VPS53: variants seen among roughly 807,000 people sequenced by gnomAD.
VPS53 encodes the protein VPS53 subunit of GARP complex.
VPS53 carries 70 observed loss-of-function variants against 107.0 expected under a neutral mutation model. The ratio of observed to expected loss-of-function variants is 0.65; its 90% confidence interval spans 0.54 to 0.80. VPS53 has a LOEUF of 0.80. Among genes scored for constraint, VPS53 ranks in the 30% least tolerant of loss-of-function variants. The probability of loss-of-function intolerance (pLI) is 0.00; values close to 1 mark genes in which losing one functional copy is unlikely to be tolerated. For missense variants in VPS53, 917 were observed against 1,049.4 expected, an observed-to-expected ratio of 0.87 and a Z score of 1.74; for synonymous variants, 409 against 393.3, an observed-to-expected ratio of 1.04 and a Z score of -0.47.
At chr17:679,561 G>A (rs563174363) in intron 4 of VPS53, among the ~76,000 whole-genome samples, 1 of 152,062 alleles carries the variant, frequency 6.6e-6, no homozygotes. Context: ...TATAAACAGA[G>A]AATTGGAAAG....
intron 18 of VPS53, chr17:536,687 C>G: frequency 4.6e-6 from 1 of 218,906 alleles, no homozygotes; most frequent in Admixed American, 5.5e-5. Context: ...TGTGAGGATG[C>G]TGGTGGGAAG....
chr17:536,166 A>G (rs969289252), intron 18 of VPS53, among the ~76,000 whole-genome samples: 6 of 152,182 alleles, frequency 3.9e-5, no homozygotes, highest in African/African-American at 1.4e-4. Flanking sequence ...ATGGCCACAC[A>G]CAAGACACAG....
chr17:626,886 C>T (rs935912414), intron 10 of VPS53, among the ~76,000 whole-genome samples: 2 of 151,980 alleles, frequency 1.3e-5, no homozygotes, highest in Non-Finnish European at 2.9e-5. Flanking sequence ...TAGGGGAAAA[C>T]GTGGGGTAGA....
chr17:613,170 T>C (rs1316771021), intron 11 of VPS53, among the ~76,000 whole-genome samples: 12 of 148,638 alleles, frequency 8.1e-5, no homozygotes, highest in Admixed American at 2.0e-4. Context: ...AGTATTCAAA[T>C]AGTGAATTCA....
At position 699,388 on chromosome 17, in the gene VPS53, AAAG is replaced by A. The variant is rs1201850823; in HGVS notation, c.169-11_169-9del. Reference sequence around the variant, plus strand: ...GTCTATGTTCGCCAGAGACTACAATAAAGAAGGAAGAGTGCCCAGCTGTTAGTC... The same window carrying A: ...GTCTATGTTCGCCAGAGACTACAATAAAGGAAGAGTGCCCAGCTGTTAGTC... On this transcript the variant is annotated splice_polypyrimidine_tract_variant and intron_variant, in intron 2 of 21. Transcript: ENST00000437048. 3.9e-6 allele frequency: 6 copies of A among 1,556,704 alleles called. No individual in the cohort carries two copies. Among genetic ancestry groups the A allele is most frequent in the Middle Eastern group, 1.7e-4 (1 of 5,926 alleles).
chr17:587,232 T>A (rs1321605797), intron 12 of VPS53, among the ~76,000 whole-genome samples: 1 of 152,132 alleles, frequency 6.6e-6, no homozygotes, highest in Non-Finnish European at 1.5e-5. Context: ...CGAGCTAATT[T>A]TTGTATTTTA....
At chr17:662,308 C>A (rs1971467070) in intron 4 of VPS53, among the ~76,000 whole-genome samples, 1 of 152,128 alleles carries the variant, frequency 6.6e-6, no homozygotes, top group East Asian at 1.9e-4. Flanking sequence ...TTCAAAAAAA[C>A]CTGAACCGTG....
At chr17:562,874 G>A (rs1232596037) in intron 13 of VPS53, 129 bp from the exon 14 acceptor site, 12 of 1,081,976 alleles carry the variant, frequency 1.1e-5, no homozygotes, top group South Asian at 3.3e-5. Flanking sequence ...ACTTAAAATC[G>A]GATCGATTTT....
At chr17:656,958 C>G in intron 5 of VPS53, 1 of 1,026,816 alleles carries the variant, frequency 9.7e-7, no homozygotes, top group East Asian at 2.4e-5. Flanking sequence ...GTGTCTTTCA[C>G]ATGAACCACG....
intron 15 of VPS53, among the ~76,000 whole-genome samples, chr17:559,114 T>A (rs946233285): frequency 6.6e-6 from 1 of 152,148 alleles, no homozygotes; most frequent in Non-Finnish European, 1.5e-5. Context: ...TTACTATCAT[T>A]ATAATGACAG....
chr17:514,700 G>C lies in VPS53; in HGVS notation c.*4428C>G, dbSNP rs1419466306. On this transcript the variant is annotated 3_prime_UTR_variant, in exon 22 of 22. Transcript: ENST00000437048. ...TCAGGAAGGGTTGGTGTCATACCCTGCATCGAGCAGCAGCCTCGGACCTGC... is the reference window on the plus strand; with the variant it reads ...TCAGGAAGGGTTGGTGTCATACCCTCCATCGAGCAGCAGCCTCGGACCTGC... The C allele has an allele frequency of 3.3e-5, 5 of 152,668 alleles. No homozygotes were observed. Among genetic ancestry groups the C allele is most frequent in the African/African-American group, 1.2e-4 (5 of 41,468 alleles). The allele number at this position is 152,668 out of a possible 1,614,324, so 9.5% of individuals were successfully genotyped here.
At chr17:573,848 T>C (rs1914389423) in intron 13 of VPS53, among the ~76,000 whole-genome samples, 1 of 152,194 alleles carries the variant, frequency 6.6e-6, no homozygotes, top group Non-Finnish European at 1.5e-5. Flanking sequence ...TCATGCTTTC[T>C]GAGTTAGAGC....
intron 5 of VPS53, among the ~76,000 whole-genome samples, chr17:656,366 G>A (rs1333699691): frequency 6.6e-6 from 1 of 152,094 alleles, no homozygotes; most frequent in Admixed American, 6.6e-5. Flanking sequence ...GTACTCAGAC[G>A]GTCTTTACTA....
intron 4 of VPS53, chr17:674,230 C>T (rs1420579302): frequency 6.6e-6 from 1 of 152,224 alleles, no homozygotes; most frequent in Non-Finnish European, 1.5e-5. Context: ...TTAAAAGGAA[C>T]AACTTGTCCA....
rs530724361 is a variant in VPS53, at chr17:594,223, C to T, written c.1218+7572G>A. 3.3e-3 allele frequency among the ~76,000 whole-genome samples: 498 copies of T among 152,224 alleles called. 4 individuals carry two copies. The highest frequency in any genetic ancestry group is 7.1e-3 in the Admixed American group (109 of 15,292). On this transcript the variant is annotated intron_variant, in intron 12 of 21. Transcript: ENST00000437048. ...TACCTAATGCCCTAATGCTAGCTGA[C>T]GAGTTTGTGGGTGCAGCGCACCAGC...
intron 13 of VPS53, among the ~76,000 whole-genome samples, chr17:572,218 G>A (rs1181755874): frequency 2.0e-4 from 29 of 147,706 alleles, no homozygotes; most frequent in African/African-American, 5.5e-4. Flanking sequence ...TGTGAGGAGC[G>A]CCTCTGCCCG....
intron 11 of VPS53, among the ~76,000 whole-genome samples, chr17:606,776 G>C (rs949404952): frequency 6.6e-6 from 1 of 152,084 alleles, no homozygotes; most frequent in Non-Finnish European, 1.5e-5. Flanking sequence ...GAGAGGTCTA[G>C]GTTGCACACT....
chr17:557,981 T>C (rs1258119895), intron 15 of VPS53, among the ~76,000 whole-genome samples: 1 of 151,708 alleles, frequency 6.6e-6, no homozygotes, highest in Non-Finnish European at 1.5e-5. Context: ...AACCTCAGCT[T>C]CCCAAGTAGC....
rs774351200 is a variant in VPS53, at chr17:519,793, G to A, written c.2328+33C>T. Reference sequence around the variant, plus strand: ...AAGAACCGCTGAGTGTGAGGGGGATGAGCAGGTGTGGACCAAATGTCCCGG... The same window carrying A: ...AAGAACCGCTGAGTGTGAGGGGGATAAGCAGGTGTGGACCAAATGTCCCGG... On this transcript the variant is annotated intron_variant, in intron 21 of 21. Coordinates refer to ENST00000437048, the MANE Select transcript of VPS53 (RefSeq NM_001128159.3). The surrounding 1 kb of genome is among the most constrained non-coding windows in gnomAD (Gnocchi z 5.0). 1.7e-5 allele frequency: 24 copies of A among 1,432,846 alleles called. No individual in the cohort carries two copies. The highest frequency in any genetic ancestry group is 9.8e-5 in the South Asian group (8 of 81,502). The allele number at this position is 1,432,846 out of a possible 1,614,324, so 88.8% of individuals were successfully genotyped here.
Sources: gnomAD v4.1 joint callset for allele counts (sites outside exome capture counted in the v4.1 genomes callset) on GRCh38, gnomAD v4.1.1 for gene constraint, Gnocchi (gnomAD v3.1) non-coding constraint, MANE v1.5 for transcripts, NCBI Gene and HGNC (gene_info 2026-07-23, HGNC 2026-07-21) for gene names.